Variants in ARMC6 observed in about 807,000 individuals in gnomAD.
The protein encoded by ARMC6 is armadillo repeat-containing protein 6.
A neutral mutation model predicts 49.2 loss-of-function variants in ARMC6; 43 were observed. The ratio of observed to expected loss-of-function variants is 0.87; its 90% CI spans 0.69 to 1.13. ARMC6 has a LOEUF of 1.13. ARMC6 is among the 50% of genes most tolerant of loss of function. ARMC6 has a pLI of 0.00. For missense variants in ARMC6, 627 were observed against 682.0 expected (o/e 0.92, Z 0.90); for synonymous variants, 262 against 289.6 (o/e 0.90, Z 0.97).
At position 19,042,794 on chromosome 19, in the gene ARMC6, C is replaced by T; in HGVS notation, c.113C>T (p.Ala38Val). ...SKRIAQETFDAAVRENIEEFA... is the reference protein window; with the variant it reads ...SKRIAQETFDVAVRENIEEFA... Reference sequence around the variant, plus strand: ...CGCATTGCCCAGGAGACCTTTGATGCAGCTGTGCGCGAGAACATCGAGGAG... The same window carrying T: ...CGCATTGCCCAGGAGACCTTTGATGTAGCTGTGCGCGAGAACATCGAGGAG... The change falls in exon 3 of 9, where the codon GCA becomes GTA. Residue 38 changes from alanine (A) to valine (V), a missense_variant. Physicochemically the swap from Ala to Val is moderately conservative, Grantham distance 64. Transcript: ENST00000535612. 1 of 1,614,026 alleles carries T rather than the reference C, an allele frequency of 6.2e-7. No individual in the cohort carries two copies. The highest frequency in any genetic ancestry group is 8.5e-7 in the Non-Finnish European group (1 of 1,180,046).
chr19:19,057,698 C>A lies in ARMC6; in HGVS notation c.*70C>A. On this transcript the variant is annotated 3_prime_UTR_variant, in exon 9 of 9. Transcript: ENST00000535612. ...TCAGGAATGGGGGTAGATCCATGTC[C>A]TCCACTGTCCCCCATTAGTTCTGTC... 1 of 1,441,332 alleles carries A rather than the reference C, an allele frequency of 6.9e-7. No individual in the cohort carries two copies. Among genetic ancestry groups the A allele is most frequent in the South Asian group, 1.1e-5 (1 of 87,670 alleles). The allele number at this position is 1,441,332 out of a possible 1,614,324, so 89.3% of individuals were successfully genotyped here.
intron 2 of ARMC6, among the ~76,000 whole-genome samples, chr19:19,034,955 G>A (rs1267964930): frequency 1.3e-5 from 2 of 151,316 alleles, no homozygotes; most frequent in Non-Finnish European, 2.9e-5. Flanking sequence ...TCCGTCTCCT[G>A]GGTTCAGGCC....
rs748966376 is a variant in ARMC6, at chr19:19,057,698, C to G, written c.*70C>G. 1 of 1,441,334 alleles carries G rather than the reference C, an allele frequency of 6.9e-7. No individual in the cohort carries two copies. The highest frequency in any genetic ancestry group is 1.1e-5 in the South Asian group (1 of 87,670). The allele number at this position is 1,441,334 out of a possible 1,614,324, so 89.3% of individuals were successfully genotyped here. A position where few individuals can be genotyped will look rare whatever the true frequency, so the allele number is the denominator to read the frequency against. ...TCAGGAATGGGGGTAGATCCATGTC[C>G]TCCACTGTCCCCCATTAGTTCTGTC... On this transcript the variant is annotated 3_prime_UTR_variant, in exon 9 of 9. Transcript: ENST00000535612.
chr19:19,035,156 G>A (rs1311390158), intron 2 of ARMC6, among the ~76,000 whole-genome samples: 1 of 152,160 alleles, frequency 6.6e-6, no homozygotes, highest in Non-Finnish European at 1.5e-5. Context: ...GAGCCACCGT[G>A]CCCGGCCCTG....
At chr19:19,052,362 T>TCC (rs2059505775) in intron 5 of ARMC6, among the ~76,000 whole-genome samples, 167 bp downstream of exon 5, 1 of 152,102 alleles carries the variant, frequency 6.6e-6, no homozygotes, top group African/African-American at 2.4e-5. Context: ...AGTCTCCCCA[T>TCC]GTTTTCTAGT....
intron 4 of ARMC6, among the ~76,000 whole-genome samples, chr19:19,046,746 C>T (rs1246078196): frequency 6.6e-6 from 1 of 152,078 alleles, no homozygotes; most frequent in African/African-American, 2.4e-5. Flanking sequence ...CTGCCTGCCT[C>T]GGCCTCCCAA....
At chr19:19,034,763 ATTT>A (rs374571780) in intron 2 of ARMC6, among the ~76,000 whole-genome samples, 1 of 120,762 alleles carries the variant, frequency 8.3e-6, no homozygotes, top group African/African-American at 3.1e-5. Flanking sequence ...TAAATTTTGT[ATTT>A]TTTTTTTTTT....
At position 19,055,060 on chromosome 19, in the gene ARMC6, G is replaced by C. The variant is rs553879006; in HGVS notation, c.1024-205G>C. On this transcript the variant is annotated intron_variant, in intron 6 of 8. Transcript: ENST00000535612. The surrounding 1 kb of genome is among the most constrained non-coding windows in gnomAD (Gnocchi z 5.7). ...CACATGCCCCCGCTGCCCCTGTCGG[G>C]GTAGGGGATCAAGTCACCTGGATGG... 6.6e-6 allele frequency among the ~76,000 whole-genome samples: 1 copy of C among 152,172 alleles called. No individual in the cohort carries two copies. Among genetic ancestry groups the C allele is most frequent in the African/African-American group, 2.4e-5 (1 of 41,440 alleles).
intron 4 of ARMC6, among the ~76,000 whole-genome samples, chr19:19,051,375 C>CTCTG (rs372606082): frequency 4.4e-4 from 61 of 139,758 alleles, no homozygotes; most frequent in African/African-American, 7.0e-4. Context: ...CTCTCTCTCT[C>CTCTG]TGTGTGTGTG....
chr19:19,050,450 A>G (rs1479562190), intron 4 of ARMC6, among the ~76,000 whole-genome samples: 2 of 152,218 alleles, frequency 1.3e-5, no homozygotes, highest in Admixed American at 1.3e-4. Flanking sequence ...TCCTGGGATC[A>G]AGTGATCCTC....
chr19:19,038,009 A>G (rs1022939968), intron 2 of ARMC6, among the ~76,000 whole-genome samples: 16 of 152,186 alleles, frequency 1.1e-4, no homozygotes, highest in African/African-American at 3.9e-4. Context: ...CACTTGCATT[A>G]TGCCTGAGCT....
intron 2 of ARMC6, among the ~76,000 whole-genome samples, chr19:19,038,739 T>C (rs575407713): frequency 6.6e-6 from 1 of 152,096 alleles, no homozygotes; most frequent in East Asian, 1.9e-4. Context: ...CTAATTTTTG[T>C]ATATTTAGTA....
chr19:19,056,575 A>G (rs2059546617), intron 8 of ARMC6, among the ~76,000 whole-genome samples: 1 of 152,056 alleles, frequency 6.6e-6, no homozygotes, highest in Non-Finnish European at 1.5e-5. Flanking sequence ...CCTTTTTTAA[A>G]AGTCCCTATA....
Position 19,040,779 on chromosome 19 carries a change from C to T in ARMC6, c.30-1932C>T, listed in dbSNP as rs1173500841. On this transcript the variant is annotated intron_variant, in intron 2 of 8. Coordinates refer to ENST00000535612, the MANE Select transcript of ARMC6 (RefSeq NM_001199196.2). ...TCTCCTACCTCGGTCTCCCTGATTGCTGGGATTACAGACGTGAGCCACCAC... is the reference window on the plus strand; with the variant it reads ...TCTCCTACCTCGGTCTCCCTGATTGTTGGGATTACAGACGTGAGCCACCAC... 8 of 446,506 alleles carry T rather than the reference C, an allele frequency of 1.8e-5. No homozygotes were observed. The East Asian group carries it at 6.0e-4, about 33-fold the overall frequency. 27.7% of individuals were successfully genotyped at this position (446,506 alleles called of 1,614,324 possible). A position where few individuals can be genotyped will look rare whatever the true frequency, so the allele number is the denominator to read the frequency against.
intron 2 of ARMC6, among the ~76,000 whole-genome samples, chr19:19,037,991 C>T (rs1364566528): frequency 1.3e-5 from 2 of 152,192 alleles, no homozygotes; most frequent in Non-Finnish European, 2.9e-5. Flanking sequence ...TTTACAGCAA[C>T]TCCCCATCAC....
chr19:19,051,375 C>CTGTGTGTG (rs35164662), intron 4 of ARMC6, among the ~76,000 whole-genome samples: 6,500 of 139,682 alleles, frequency 0.047, 193 homozygotes, highest in Middle Eastern at 0.11. Flanking sequence ...CTCTCTCTCT[C>CTGTGTGTG]TGTGTGTGTG....
At chr19:19,050,160 G>GT (rs976902104) in intron 4 of ARMC6, among the ~76,000 whole-genome samples, 1 of 152,056 alleles carries the variant, frequency 6.6e-6, no homozygotes, top group African/African-American at 2.4e-5. Flanking sequence ...TCATTGTAGT[G>GT]TTTTTTTGTT....
At position 19,045,493 on chromosome 19, in the gene ARMC6, C is replaced by CT. The variant is rs11270900; in HGVS notation, c.279+1430dup. ...TAAGTGCTCAGCATTATGCTAAATTCTTTTTTTTTTTGAGACAAGAGTCTC... is the reference window on the plus strand; with the variant it reads ...TAAGTGCTCAGCATTATGCTAAATTCTTTTTTTTTTTTGAGACAAGAGTCTC... On this transcript the variant is annotated intron_variant, in intron 4 of 8. Coordinates refer to ENST00000535612, the MANE Select transcript of ARMC6 (RefSeq NM_001199196.2). Among the ~76,000 whole-genome samples, 62 of 89,096 alleles carry CT rather than the reference C, an allele frequency of 7.0e-4. 9 individuals carry two copies. Among genetic ancestry groups the CT allele is most frequent in the South Asian group, 1.6e-3 (4 of 2,526 alleles). 58.5% of individuals were successfully genotyped at this position (89,096 alleles called of 152,430 possible).
intron 4 of ARMC6, among the ~76,000 whole-genome samples, chr19:19,051,418 A>C (rs1163619721): frequency 3.2e-5 from 3 of 93,736 alleles, no homozygotes; most frequent in Non-Finnish European, 6.8e-5. Flanking sequence ...TGTGTGTGTC[A>C]GTCTTCCACG....
Sources: allele counts gnomAD v4.1 joint callset (sites outside exome capture counted in the v4.1 genomes callset), GRCh38; gene constraint gnomAD v4.1.1; non-coding constraint Gnocchi (gnomAD v3.1); transcripts MANE v1.5; gene names NCBI Gene and HGNC (gene_info 2026-07-23, HGNC 2026-07-21).